The following EYS variants were observed in gnomAD, a reference collection of about 807,000 sequenced individuals.
The protein encoded by EYS is protein eyes shut homolog.
Under a neutral mutation model 282.1 loss-of-function variants are expected in EYS, and 250 were observed. The observed-to-expected ratio is 0.89, with a 90% confidence interval of 0.80 to 0.98. The LOEUF is 0.98. Among genes scored for constraint, EYS ranks in the 50% least tolerant of loss-of-function variants. The probability of loss-of-function intolerance (pLI) is 0.00; values close to 1 mark genes in which losing one functional copy is unlikely to be tolerated. For missense variants in EYS, 4,016 were observed against 3,709.0 expected (o/e 1.08, Z -2.15); for synonymous variants, 1,355 against 1,282.9 (o/e 1.06, Z -1.20).
At chr6:64,273,304 A>G (rs987275655) in intron 30 of EYS, among the ~76,000 whole-genome samples, 1 of 152,082 alleles carries the variant, frequency 6.6e-6, no homozygotes, top group Non-Finnish European at 1.5e-5. Context: ...TTTAAGTTTA[A>G]TTTCTATTTT....
chr6:63,967,282 A>G (rs573996311), intron 35 of EYS, among the ~76,000 whole-genome samples: 3 of 152,230 alleles, frequency 2.0e-5, no homozygotes, highest in Admixed American at 1.3e-4. Flanking sequence ...AAAACTTATT[A>G]ATTGTTTATT....
intron 35 of EYS, among the ~76,000 whole-genome samples, chr6:63,909,663 C>A (rs1172232883): frequency 6.6e-6 from 1 of 152,196 alleles, no homozygotes; most frequent in East Asian, 1.9e-4. Context: ...ATCCTCCTTG[C>A]AGAGAGCTGC....
chr6:65,097,532 G>A (rs1463745435), intron 12 of EYS, among the ~76,000 whole-genome samples: 1 of 150,910 alleles, frequency 6.6e-6, no homozygotes, highest in Non-Finnish European at 1.5e-5. Context: ...AGGACTCGAT[G>A]AAATAGCTGT....
At chr6:65,349,013 T>A (rs756173123) in intron 9 of EYS, among the ~76,000 whole-genome samples, 1 of 151,784 alleles carries the variant, frequency 6.6e-6, no homozygotes, top group African/African-American at 2.4e-5. Flanking sequence ...TCTATTTCAA[T>A]TTAATCCAGA....
At chr6:65,526,596 G>A (rs1187179836) in intron 2 of EYS, among the ~76,000 whole-genome samples, 2 of 152,126 alleles carry the variant, frequency 1.3e-5, no homozygotes, top group African/African-American at 4.8e-5. Flanking sequence ...ACGAGGTCAG[G>A]AGATTGAGAC....
chr6:65,695,588 C>A (rs1263156243), intron 1 of EYS, among the ~76,000 whole-genome samples: 2 of 151,176 alleles, frequency 1.3e-5, no homozygotes, highest in Non-Finnish European at 3.0e-5. Context: ...TGGGTCACAG[C>A]CATATTAAGC....
At chr6:64,777,534 T>A (rs1773716527) in intron 22 of EYS, among the ~76,000 whole-genome samples, 1 of 152,152 alleles carries the variant, frequency 6.6e-6, no homozygotes, top group Non-Finnish European at 1.5e-5. Flanking sequence ...GTTTGGGGCT[T>A]TTCTTAATGT....
intron 1 of EYS, among the ~76,000 whole-genome samples, chr6:65,689,564 T>C (rs1333263753): frequency 2.0e-5 from 3 of 149,922 alleles, no homozygotes; most frequent in South Asian, 4.3e-4. Context: ...AATTGAAAAG[T>C]AGAAAAAATT....
chr6:65,205,385 C>T (rs1237057625), intron 12 of EYS, among the ~76,000 whole-genome samples: 2 of 151,710 alleles, frequency 1.3e-5, no homozygotes, highest in Admixed American at 6.6e-5. Context: ...GCATCCAATA[C>T]CAGAGCACCC....
chr6:64,740,230 A>G (rs1294625669), intron 22 of EYS, among the ~76,000 whole-genome samples: 1 of 152,184 alleles, frequency 6.6e-6, no homozygotes, highest in Non-Finnish European at 1.5e-5. Flanking sequence ...CAGTTCTAAT[A>G]CATTTCCTAA....
intron 28 of EYS, among the ~76,000 whole-genome samples, chr6:64,435,790 T>G (rs1774721942): frequency 6.6e-6 from 1 of 151,846 alleles, no homozygotes; most frequent in Admixed American, 6.6e-5. Context: ...TCAATCTGGA[T>G]TGTGGTGGGC....
At position 65,565,106 on chromosome 6, in the gene EYS, G is replaced by A. The variant is rs1189777417; in HGVS notation, c.-332-69113C>T. On this transcript the variant is annotated intron_variant, in intron 2 of 42. Coordinates refer to ENST00000503581, the MANE Select transcript of EYS (RefSeq NM_001142800.2). ...TAAAAATACAAAAAATTAGCCGGGC[G>A]TAGTGGTGGGCGCCTGTAGTCCCAG... 3.8e-5 allele frequency among the ~76,000 whole-genome samples: 2 copies of A among 52,962 alleles called. 1 individual carries two copies. Among genetic ancestry groups the A allele is most frequent in the Non-Finnish European group, 5.9e-5 (2 of 34,142 alleles). 34.7% of individuals were successfully genotyped at this position (52,962 alleles called of 152,430 possible).
chr6:63,798,870 G>C (rs924904016), intron 37 of EYS, among the ~76,000 whole-genome samples: 1 of 151,028 alleles, frequency 6.6e-6, no homozygotes, highest in Non-Finnish European at 1.5e-5. Context: ...GCTGGTGACT[G>C]ACAGCTATGT....
chr6:64,106,330 T>A (rs1773010222), intron 31 of EYS, among the ~76,000 whole-genome samples: 1 of 151,552 alleles, frequency 6.6e-6, no homozygotes, highest in Non-Finnish European at 1.5e-5. Context: ...GTCCTCAATT[T>A]TTGTTTGCCT....
At chr6:64,426,903 AT>A (rs539027526) in intron 28 of EYS, among the ~76,000 whole-genome samples, 98 of 152,238 alleles carry the variant, frequency 6.4e-4, no homozygotes, top group African/African-American at 2.3e-3. Flanking sequence ...ATTTCTAGTT[AT>A]TTTTTAGTCA....
At chr6:64,900,051 GA>G (rs1562249718) in intron 18 of EYS, among the ~76,000 whole-genome samples, 2 of 152,134 alleles carry the variant, frequency 1.3e-5, no homozygotes, top group African/African-American at 4.8e-5. Flanking sequence ...CAATGGAACA[GA>G]ACAGAAGCCT....
chr6:64,002,385 C>T (rs1768137593), intron 33 of EYS, among the ~76,000 whole-genome samples: 1 of 152,226 alleles, frequency 6.6e-6, no homozygotes, highest in Non-Finnish European at 1.5e-5. Context: ...AAGGCTGTCA[C>T]ACTGGCCCCC....
intron 28 of EYS, among the ~76,000 whole-genome samples, chr6:64,390,535 G>T (rs1773086748): frequency 6.6e-6 from 1 of 151,008 alleles, no homozygotes; most frequent in South Asian, 2.1e-4. Flanking sequence ...ACAGGGCAGG[G>T]TATTCCAACA....
At chr6:65,686,895 GACA>G (rs1181297725) in intron 1 of EYS, among the ~76,000 whole-genome samples, 3 of 151,938 alleles carry the variant, frequency 2.0e-5, no homozygotes, top group Non-Finnish European at 4.4e-5. Flanking sequence ...GGGGCTTGGT[GACA>G]ACATGAAAAA....
Sources: allele counts gnomAD v4.1 joint callset (sites outside exome capture counted in the v4.1 genomes callset), GRCh38; gene constraint gnomAD v4.1.1; transcripts MANE v1.5; gene names NCBI Gene and HGNC (gene_info 2026-07-23, HGNC 2026-07-21).